TEX9: variants seen among roughly 807,000 people sequenced by gnomAD.
TEX9 encodes the protein testis-expressed protein 9.
TEX9 carries 74 observed loss-of-function variants against 59.6 expected under a neutral mutation model. That is an observed-to-expected ratio of 1.24 (90% confidence interval 1.03 to 1.51). The LOEUF (loss-of-function observed/expected upper bound fraction) is 1.51, where lower values mean the gene tolerates loss of function less well. TEX9 is among the 40% of genes most tolerant of loss of function. TEX9 has a pLI of 0.00. For missense variants in TEX9, 522 were observed against 447.8 expected, an observed-to-expected ratio of 1.17 and a Z score of -1.49; for synonymous variants, 186 against 152.2, an observed-to-expected ratio of 1.22 and a Z score of -1.64.
At chr15:56,429,961 A>T (rs1380208388) in intron 12 of TEX9, 1 of 152,230 alleles carries the variant, frequency 6.6e-6, no homozygotes, top group African/African-American at 2.4e-5. Flanking sequence ...TATTAATTAC[A>T]TATGGATTTT....
chr15:56,348,164 T>C (rs1467684011), intron 1 of TEX9, among the ~76,000 whole-genome samples: 1 of 152,144 alleles, frequency 6.6e-6, no homozygotes, highest in African/African-American at 2.4e-5. Flanking sequence ...TCTGTATTAT[T>C]TCTTACAACT....
intron 9 of TEX9, among the ~76,000 whole-genome samples, chr15:56,408,002 A>G (rs982463445): frequency 1.5e-4 from 23 of 152,172 alleles, no homozygotes; most frequent in African/African-American, 5.6e-4. Context: ...GCAAAATCAA[A>G]TTTACTCTTA....
chr15:56,319,660 T>C (rs2045859331), intron 1 of TEX9, among the ~76,000 whole-genome samples: 1 of 152,126 alleles, frequency 6.6e-6, no homozygotes, highest in Non-Finnish European at 1.5e-5. Context: ...AGCAGAAACC[T>C]AGGGAAATGG....
chr15:56,398,478 A>C (rs1288093399), intron 9 of TEX9: 2 of 152,192 alleles, frequency 1.3e-5, no homozygotes, highest in Non-Finnish European at 2.9e-5. Context: ...CCATGTTTTA[A>C]TTTGTCATGA....
chr15:56,365,473 T>A, exon 1 of TEX9: 1 of 1,614,042 alleles, frequency 6.2e-7, no homozygotes, highest in Non-Finnish European at 8.5e-7. Context: ...AGTCTGTGTC[T>A]CACGGTCAGT....
chr15:56,362,489 A>G (rs1283529747), upstream of TEX9, among the ~76,000 whole-genome samples: 1 of 152,196 alleles, frequency 6.6e-6, no homozygotes, highest in Admixed American at 6.5e-5. Flanking sequence ...TAGTGCTAGC[A>G]TAGTGTTCCT....
chr15:56,459,761 A>C, the TEX9 span, among the ~76,000 whole-genome samples: 1 of 151,406 alleles, frequency 6.6e-6, no homozygotes, highest in East Asian at 2.0e-4. Context: ...GAGGCCGAAG[A>C]GGACAGATCA....
intron 12 of TEX9, chr15:56,428,905 T>C (rs140561850): frequency 5.6e-4 from 292 of 516,840 alleles, no homozygotes; most frequent in African/African-American, 5.3e-3. Context: ...ATTTTGAAAT[T>C]ATCAGTACAA....
chr15:56,346,237 C>CA (rs1173987271), intron 1 of TEX9, among the ~76,000 whole-genome samples: 22 of 152,142 alleles, frequency 1.4e-4, no homozygotes, highest in Non-Finnish European at 3.2e-4. Flanking sequence ...GAAGATGCCT[C>CA]AGAGAGGCAG....
chr15:56,399,785 CTGCTGTTCTGCAATATT>C (rs1175852388), intron 9 of TEX9, among the ~76,000 whole-genome samples: 4 of 152,226 alleles, frequency 2.6e-5, no homozygotes, highest in African/African-American at 9.6e-5. Flanking sequence ...CCAGCAATAT[CTGCTGTTCTGCAATATT>C]TGCTGTTCTG....
intron 1 of TEX9, among the ~76,000 whole-genome samples, chr15:56,268,032 T>A (rs1055918745): frequency 1.3e-5 from 2 of 152,224 alleles, no homozygotes; most frequent in Admixed American, 6.5e-5. Context: ...CTTGAAGAGG[T>A]CCTTCACATC....
At chr15:56,272,851 T>G (rs1368843497) in intron 1 of TEX9, among the ~76,000 whole-genome samples, 6 of 152,154 alleles carry the variant, frequency 3.9e-5, no homozygotes, top group Non-Finnish European at 7.3e-5. Flanking sequence ...GTCTGCTATT[T>G]ATGTAATTTG....
rs1039752535 is a variant in TEX9 at position 56,415,367 on chromosome 15, G to T, written c.963+2931G>T. Reference sequence around the variant, plus strand: ...TGTCTTCCAGGGTTTTTATAGTTTTGGGTTTTCCATTTAAGTTTTTAGTTC... The same window carrying T: ...TGTCTTCCAGGGTTTTTATAGTTTTTGGTTTTCCATTTAAGTTTTTAGTTC... On this transcript the variant is annotated intron_variant, in intron 10 of 12. Coordinates refer to ENST00000352903, the Ensembl canonical transcript of TEX9. 3.0e-4 allele frequency among the ~76,000 whole-genome samples: 46 copies of T among 151,610 alleles called. 2 individuals carry two copies. Among genetic ancestry groups the T allele is most frequent in the African/African-American group, 1.1e-3 (44 of 41,084 alleles).
chr15:56,348,706 G>A (rs112015039), intron 1 of TEX9, among the ~76,000 whole-genome samples: 1,557 of 152,174 alleles, frequency 0.01, 23 homozygotes, highest in African/African-American at 0.035. Context: ...ACTATGGCAT[G>A]TGGGCATGGC....
chr15:56,302,147 G>C (rs2045373588), intron 1 of TEX9, among the ~76,000 whole-genome samples: 1 of 152,086 alleles, frequency 6.6e-6, no homozygotes, highest in Non-Finnish European at 1.5e-5. Flanking sequence ...TTAAAATCAT[G>C]GGTTATAAGA....
At chr15:56,247,211 T>G (rs1949678693) in intron 1 of TEX9, among the ~76,000 whole-genome samples, 1 of 152,218 alleles carries the variant, frequency 6.6e-6, no homozygotes, top group African/African-American at 2.4e-5. Flanking sequence ...TATATACATT[T>G]ATCATGCCTG....
chr15:56,401,321 A>AAC, intron 9 of TEX9, among the ~76,000 whole-genome samples: 1 of 149,902 alleles, frequency 6.7e-6, no homozygotes, highest in Admixed American at 6.6e-5. Flanking sequence ...AAAAAAAAAA[A>AAC]AAAAAAAAAA....
chr15:56,326,931 G>A (rs544773545), intron 1 of TEX9, among the ~76,000 whole-genome samples: 89 of 152,144 alleles, frequency 5.8e-4, no homozygotes, highest in African/African-American at 2.1e-3. Flanking sequence ...TTATTCATTG[G>A]GTACAGTGTA....
chr15:56,391,735 A>C (rs2048220745), intron 7 of TEX9, among the ~76,000 whole-genome samples: 1 of 152,122 alleles, frequency 6.6e-6, no homozygotes, highest in South Asian at 2.1e-4. Flanking sequence ...GATTGAATAC[A>C]TTTCAACTTA....
Sources: gnomAD v4.1 joint callset for allele counts (sites outside exome capture counted in the v4.1 genomes callset) on GRCh38, gnomAD v4.1.1 for gene constraint, MANE v1.5 for transcripts, NCBI Gene and HGNC (gene_info 2026-07-23, HGNC 2026-07-21) for gene names.